PTPRN: variants seen among roughly 807,000 people sequenced by gnomAD.
PTPRN encodes the protein receptor-type tyrosine-protein phosphatase-like N.
In PTPRN, 70 loss-of-function variants were observed where a neutral mutation model predicts 108.5. That is an observed-to-expected ratio of 0.65 (90% CI 0.53 to 0.79). The LOEUF is 0.79. Among genes scored for constraint, PTPRN ranks in the 30% least tolerant of loss-of-function variants. The probability of loss-of-function intolerance (pLI) is 0.00; values close to 1 mark genes in which losing one functional copy is unlikely to be tolerated. For synonymous variants in PTPRN, 496 were observed against 524.6 expected (o/e 0.95, Z 0.75); for missense variants, 1,136 against 1,295.5 (o/e 0.88, Z 1.89).
chr2:219,308,928 C>G (rs1192020203), intron 1 of PTPRN: 11 of 1,415,894 alleles, frequency 7.8e-6, no homozygotes, highest in Admixed American at 2.2e-5. Context: ...GTCTCGCAGC[C>G]GGTCTCTAAG....
At position 219,296,888 on chromosome 2, in the gene PTPRN, C is replaced by T; in HGVS notation, c.2237-66G>A. The stretch of plus-strand genomic sequence containing the variant: ...CATTGGCATCGCGGGACCTCTGCCA[C>T]TCAGCCTGAGCCAGAAGCCCAACCC... On this transcript the variant is annotated intron_variant, in intron 15 of 22. Transcript: ENST00000295718. This position sits in a 1 kb window ranked among gnomAD's most constrained non-coding sequence, Gnocchi z 6.0. 1 of 1,613,230 alleles carries T rather than the reference C, an allele frequency of 6.2e-7. No homozygotes were observed. The highest frequency in any genetic ancestry group is 8.5e-7 in the Non-Finnish European group (1 of 1,179,378).
At position 219,303,851 on chromosome 2, in the gene PTPRN, C is replaced by A. The variant is rs370416920; in HGVS notation, c.281-20G>T. 1 of 1,590,224 alleles carries A rather than the reference C, an allele frequency of 6.3e-7. No individual in the cohort carries two copies. The highest frequency in any genetic ancestry group is 8.6e-7 in the Non-Finnish European group (1 of 1,164,668). On this transcript the variant is annotated intron_variant, in intron 3 of 22. Coordinates refer to ENST00000295718, the MANE Select transcript of PTPRN (RefSeq NM_002846.4). ...ACAATCCTGTCAGGAAAGAGGACAG[C>A]GTAAGTTGGTTCAGGAGTCTGGGGA...
Position 219,297,381 on chromosome 2 carries a change from C to T in PTPRN, c.1940G>A (p.Gly647Asp). Residue 647 changes from glycine (G) to aspartate (D), a missense_variant, in exon 14 of 23, where the codon GGT becomes GAT. Physicochemically the swap from Gly to Asp is moderately conservative, Grantham distance 94 (BLOSUM62 -1). Transcript: ENST00000295718. The surrounding 1 kb of genome is among the most constrained non-coding windows in gnomAD (Gnocchi z 6.0). ...ATKSLFNRAEGPPEPSRVSSV... is the reference protein window; with the variant it reads ...ATKSLFNRAEDPPEPSRVSSV... ...GCTCACCCGTGAAGGCTCCGGTGGA[C>T]CCTCTGCCCGGTTGAACAAGGACTT... The T allele has an allele frequency of 6.2e-7, 1 of 1,614,128 alleles. No individual in the cohort carries two copies. Among genetic ancestry groups the T allele is most frequent in the Non-Finnish European group, 8.5e-7 (1 of 1,180,042 alleles).
In PTPRN at chr2:219,294,921, C is replaced by T. The variant is rs370761095; in HGVS notation, c.2675+54G>A. ...GCTCCAGGCCGAGCGGCGGGCGGAC[C>T]CCGGCTCCGCCCCCGCCCATGCGGT... On this transcript the variant is annotated intron_variant, in intron 19 of 22. Transcript: ENST00000295718. The T allele has an allele frequency of 3.6e-6, 5 of 1,392,694 alleles. No individual in the cohort carries two copies. In the African/African-American group the frequency reaches 7.7e-5, roughly 21 times the overall value. 86.3% of individuals were successfully genotyped at this position (1,392,694 alleles called of 1,614,324 possible). A position where few individuals can be genotyped will look rare whatever the true frequency, so the allele number is the denominator to read the frequency against.
At position 219,296,877 on chromosome 2, in the gene PTPRN, G is replaced by T; in HGVS notation, c.2237-55C>A. On this transcript the variant is annotated intron_variant, in intron 15 of 22. Transcript: ENST00000295718. This position sits in a 1 kb window ranked among gnomAD's most constrained non-coding sequence, Gnocchi z 6.0. The stretch of plus-strand genomic sequence containing the variant: ...GGCCCTCTGGTCATTGGCATCGCGG[G>T]ACCTCTGCCACTCAGCCTGAGCCAG... The T allele has an allele frequency of 6.2e-7, 1 of 1,613,340 alleles. No homozygotes were observed.
intron 1 of PTPRN, 53 bp downstream of exon 1, chr2:219,309,165 C>A: frequency 6.9e-7 from 1 of 1,448,490 alleles, no homozygotes; most frequent in Non-Finnish European, 9.4e-7. Context: ...TCGCTCCAGG[C>A]CCCAAGCTGC....
Position 219,297,145 on chromosome 2 carries a change from C to G in PTPRN, c.2089-13G>C, listed in dbSNP as rs1300407011. 1 of 1,613,510 alleles carries G rather than the reference C, an allele frequency of 6.2e-7. No individual in the cohort carries two copies. Among genetic ancestry groups the G allele is most frequent in the South Asian group, 1.1e-5 (1 of 90,988 alleles). On this transcript the variant is annotated splice_polypyrimidine_tract_variant and intron_variant, in intron 14 of 22. Coordinates refer to ENST00000295718, the MANE Select transcript of PTPRN (RefSeq NM_002846.4). The surrounding 1 kb of genome is among the most constrained non-coding windows in gnomAD (Gnocchi z 6.0). ...CCTCCATGTATGCCTGTGGGGGCAC[C>G]ACGGTCTGGCTCTGGCCCACACAGC... is the stretch of plus-strand genomic sequence containing the variant.
At chr2:219,298,277 A>G (rs921779822) in intron 12 of PTPRN, among the ~76,000 whole-genome samples, 174 bp from the exon 13 acceptor site, 3 of 152,220 alleles carry the variant, frequency 2.0e-5, no homozygotes, top group African/African-American at 7.2e-5. Flanking sequence ...CTCAATCCCC[A>G]TCGGATCAAC....
At chr2:219,304,118 G>T (rs760553570) in intron 3 of PTPRN, 1 of 266,892 alleles carries the variant, frequency 3.7e-6, no homozygotes, top group East Asian at 9.1e-5. Flanking sequence ...ATAAAATGGG[G>T]ATTTATACCT....
intron 20 of PTPRN, 60 bp downstream of exon 20, chr2:219,291,410 T>A: frequency 6.4e-7 from 1 of 1,561,990 alleles, no homozygotes; most frequent in Non-Finnish European, 8.8e-7. Flanking sequence ...AGGCAGGCAA[T>A]GTGCACAGGA....
Position 219,297,743 on chromosome 2 carries a change from C to G in PTPRN, c.1887+142G>C. The G allele has an allele frequency of 2.0e-6, 2 of 999,146 alleles. No homozygotes were observed. The highest frequency in any genetic ancestry group is 2.9e-6 in the Non-Finnish European group (2 of 682,448). 61.9% of individuals were successfully genotyped at this position (999,146 alleles called of 1,614,324 possible). On this transcript the variant is annotated intron_variant, in intron 13 of 22. Transcript: ENST00000295718. This position sits in a 1 kb window ranked among gnomAD's most constrained non-coding sequence, Gnocchi z 6.0. ...AAGGCCCCTACCATACTCCCTCCCA[C>G]TGGGGCTTCTCCAGCCTCCACTGGA... is the stretch of plus-strand genomic sequence containing the variant.
chr2:219,297,122 T>C lies in PTPRN; in HGVS notation c.2099A>G (p.Glu700Gly), dbSNP rs1419744510. Reference protein sequence around the residue: ...STGHMILAYMEDHLRNRDRLA... With the variant: ...STGHMILAYMGDHLRNRDRLA... The stretch of plus-strand genomic sequence containing the variant: ...GCGGTCCCGGTTCCGCAGGTGATCC[T>C]CCATGTATGCCTGTGGGGGCACCAC... The change falls in exon 15 of 23, where the codon GAG becomes GGG. Residue 700 changes from glutamate to glycine, a missense_variant. By Grantham distance (98) the Glu-to-Gly change is moderately conservative. Transcript: ENST00000295718. This position sits in a 1 kb window ranked among gnomAD's most constrained non-coding sequence, Gnocchi z 6.0. 6.2e-7 allele frequency: 1 copy of C among 1,614,044 alleles called. No homozygotes were observed. Among genetic ancestry groups the C allele is most frequent in the Non-Finnish European group, 8.5e-7 (1 of 1,179,994 alleles).
chr2:219,297,006 G>A lies in PTPRN; in HGVS notation c.2215C>T (p.Arg739Trp), dbSNP rs780784568. Reference protein sequence around the residue: ...AQGEGNIKKNRHPDFLPYDHA... With the variant: ...AQGEGNIKKNWHPDFLPYDHA... The stretch of plus-strand genomic sequence containing the variant: ...TCACAGGGCAGGAAGTCAGGATGCC[G>A]GTTCTTTTTGATGTTGCCCTCCCCC... Residue 739 changes from arginine to tryptophan, a missense_variant, in exon 15 of 23, where the codon CGG becomes TGG. Transcript: ENST00000295718. The surrounding 1 kb of genome is among the most constrained non-coding windows in gnomAD (Gnocchi z 6.0). 1.1e-5 allele frequency: 18 copies of A among 1,613,880 alleles called. No individual in the cohort carries two copies. The highest frequency in any genetic ancestry group is 5.0e-5 in the Admixed American group (3 of 60,016).
At chr2:219,293,899 G>A (rs968580848) in intron 19 of PTPRN, among the ~76,000 whole-genome samples, 12 of 152,234 alleles carry the variant, frequency 7.9e-5, no homozygotes, top group African/African-American at 2.9e-4. Flanking sequence ...GAAAAGCAGG[G>A]GACGCTGGAG....
chr2:219,294,261 G>A (rs1952119961), intron 19 of PTPRN: 2 of 436,772 alleles, frequency 4.6e-6, no homozygotes, highest in Non-Finnish European at 9.6e-6. Context: ...GACAGGCAGC[G>A]GGAGGGAGAG....
chr2:219,293,325 C>T (rs1035955170), intron 19 of PTPRN, among the ~76,000 whole-genome samples: 11 of 152,222 alleles, frequency 7.2e-5, no homozygotes, highest in African/African-American at 2.2e-4. Flanking sequence ...GGAGTACAGG[C>T]GCTCGCCACC....
Position 219,296,472 on chromosome 2 carries a change from G to T in PTPRN, c.2355C>A (p.Gly785=). ...AGTCTGCGATGGTATGGGACAGCGG[G>T]CCCTGCGTGGCTATGTAGGCTGGCA... is the stretch of plus-strand genomic sequence containing the variant. ...PRMPAYIATQ[G]PLSHTIADFW... Residue 785 remains glycine, a synonymous_variant, in exon 17 of 23, where the codon GGC becomes GGA. Transcript: ENST00000295718. This position sits in a 1 kb window ranked among gnomAD's most constrained non-coding sequence, Gnocchi z 6.0. The T allele has an allele frequency of 1.9e-6, 3 of 1,614,188 alleles. No homozygotes were observed. Among genetic ancestry groups the T allele is most frequent in the Non-Finnish European group, 2.5e-6 (3 of 1,180,034 alleles).
chr2:219,293,649 C>G (rs1952103003), intron 19 of PTPRN, among the ~76,000 whole-genome samples: 1 of 152,232 alleles, frequency 6.6e-6, no homozygotes, highest in Admixed American at 6.5e-5. Flanking sequence ...GGAAATAGCT[C>G]TGATACCCTG....
intron 3 of PTPRN, among the ~76,000 whole-genome samples, chr2:219,305,765 A>T (rs1295173552): frequency 6.6e-6 from 1 of 152,188 alleles, no homozygotes; most frequent in Non-Finnish European, 1.5e-5. Context: ...ACATATTCAA[A>T]GCTGAACACC....
Sources: gnomAD v4.1 joint callset for allele counts (sites outside exome capture counted in the v4.1 genomes callset) on GRCh38, gnomAD v4.1.1 for gene constraint, Gnocchi (gnomAD v3.1) non-coding constraint, MANE v1.5 for transcripts, NCBI Gene and HGNC (gene_info 2026-07-23, HGNC 2026-07-21) for gene names.